EXT1: variants seen among roughly 807,000 people sequenced by gnomAD.
The protein encoded by EXT1 is exostosin glycosyltransferase 1, also known as exostosin-1.
EXT1 carries 20 observed loss-of-function variants against 82.5 expected under a neutral mutation model. The ratio of observed to expected loss-of-function variants is 0.24; its 90% confidence interval spans 0.17 to 0.35. EXT1 has a LOEUF of 0.35. Among genes scored for constraint, EXT1 ranks in the 10% least tolerant of loss-of-function variants. EXT1 has a pLI of 1.00. For missense variants in EXT1, 757 were observed against 936.5 expected (o/e 0.81, Z 2.50); for synonymous variants, 348 against 350.8 (o/e 0.99, Z 0.09).
At chr8:117,837,333 C>T in intron 1 of EXT1, 132 bp from the exon 2 acceptor site, 1 of 741,598 alleles carries the variant, frequency 1.3e-6, no homozygotes. Context: ...GCAGCTCTCA[C>T]TTTTCCATTT....
chr8:118,060,739 A>T (rs1816868650), intron 1 of EXT1, among the ~76,000 whole-genome samples: 1 of 152,234 alleles, frequency 6.6e-6, no homozygotes. Context: ...ACCTTAAGCA[A>T]TTAGGGCTGT....
At chr8:118,024,149 A>C (rs557689424) in intron 1 of EXT1, among the ~76,000 whole-genome samples, 7 of 152,246 alleles carry the variant, frequency 4.6e-5, no homozygotes, top group Non-Finnish European at 8.8e-5. Flanking sequence ...CAAAAAATAA[A>C]CCACGGTAGA....
intron 1 of EXT1, among the ~76,000 whole-genome samples, chr8:118,094,791 C>T (rs756827890): frequency 6.6e-6 from 1 of 152,192 alleles, no homozygotes; most frequent in East Asian, 1.9e-4. Flanking sequence ...AGTCAAGAGA[C>T]GTGTGTTCCA....
At chr8:117,966,011 C>A (rs928373198) in intron 1 of EXT1, among the ~76,000 whole-genome samples, 10 of 151,186 alleles carry the variant, frequency 6.6e-5, no homozygotes, top group African/African-American at 2.5e-4. Context: ...CACACACACA[C>A]ATATATACAC....
intron 1 of EXT1, among the ~76,000 whole-genome samples, chr8:118,003,411 A>G (rs992704618): frequency 2.2e-4 from 34 of 152,012 alleles, no homozygotes; most frequent in African/African-American, 7.2e-4. Context: ...ATAAAAAAAA[A>G]TTAAAAAAAA....
chr8:118,060,131 A>T (rs2129940929), intron 1 of EXT1, among the ~76,000 whole-genome samples: 1 of 152,344 alleles, frequency 6.6e-6, no homozygotes, highest in African/African-American at 2.4e-5. Context: ...AACAACTCTC[A>T]GGTAAAAATG....
intron 1 of EXT1, among the ~76,000 whole-genome samples, chr8:118,030,796 T>G (rs1816297491): frequency 6.6e-6 from 1 of 152,180 alleles, no homozygotes; most frequent in African/African-American, 2.4e-5. Context: ...AGAGGCTTCT[T>G]GAGGTCTTGG....
At chr8:118,096,342 G>A (rs1306356997) in intron 1 of EXT1, among the ~76,000 whole-genome samples, 1 of 152,076 alleles carries the variant, frequency 6.6e-6, no homozygotes, top group Admixed American at 6.5e-5. Context: ...AAGAAAAGAG[G>A]CCAGGTGCAC....
intron 1 of EXT1, among the ~76,000 whole-genome samples, chr8:117,860,552 T>TA (rs1305673704): frequency 6.6e-6 from 1 of 152,216 alleles, no homozygotes; most frequent in Non-Finnish European, 1.5e-5. Context: ...AAAGAGTATC[T>TA]ATTACATAGA....
chr8:118,021,957 A>G (rs559644825), intron 1 of EXT1, among the ~76,000 whole-genome samples: 2 of 152,294 alleles, frequency 1.3e-5, no homozygotes, highest in South Asian at 4.1e-4. Context: ...GACTCCCTTC[A>G]TCCTCCAACT....
At chr8:117,867,260 G>GAAAAAA (rs372575361) in intron 1 of EXT1, among the ~76,000 whole-genome samples, 5 of 98,906 alleles carry the variant, frequency 5.1e-5, no homozygotes, top group African/African-American at 1.2e-4. Context: ...CTCCACCTCA[G>GAAAAAA]AAAAAAAAAA....
intron 1 of EXT1, among the ~76,000 whole-genome samples, chr8:117,973,854 A>AGGAAC (rs1815002207): frequency 7.0e-6 from 1 of 143,194 alleles, no homozygotes; most frequent in Non-Finnish European, 1.5e-5. Flanking sequence ...AGGAAAGGAA[A>AGGAAC]GGAAAGGAAA....
chr8:118,064,853 T>A (rs1415772639), intron 1 of EXT1, among the ~76,000 whole-genome samples: 1 of 63,260 alleles, frequency 1.6e-5, no homozygotes, highest in Non-Finnish European at 2.6e-5. Context: ...GTTTCCTGAA[T>A]TTTTTTTTTT....
intron 1 of EXT1, among the ~76,000 whole-genome samples, chr8:117,972,921 T>C (rs1214939115): frequency 4.6e-5 from 7 of 152,062 alleles, no homozygotes; most frequent in Non-Finnish European, 8.8e-5. Context: ...CCATGACACA[T>C]GGGGATTATG....
intron 9 of EXT1, among the ~76,000 whole-genome samples, chr8:117,806,410 T>G (rs2129698431): frequency 6.6e-6 from 1 of 152,236 alleles, no homozygotes; most frequent in South Asian, 2.1e-4. Context: ...AGTGACATGC[T>G]GTACATGTCA....
chr8:117,984,278 G>T (rs969359724), intron 1 of EXT1, among the ~76,000 whole-genome samples: 1 of 152,092 alleles, frequency 6.6e-6, no homozygotes, highest in African/African-American at 2.4e-5. Context: ...AATTAGCTGG[G>T]TGTGGTAGTG....
At chr8:118,014,792 G>C (rs1328460888) in intron 1 of EXT1, among the ~76,000 whole-genome samples, 1 of 151,798 alleles carries the variant, frequency 6.6e-6, no homozygotes, top group Non-Finnish European at 1.5e-5. Flanking sequence ...TTCAAGTTTG[G>C]GTACCATTAC....
intron 1 of EXT1, among the ~76,000 whole-genome samples, chr8:117,993,875 G>A (rs1815484705): frequency 6.6e-6 from 1 of 152,184 alleles, no homozygotes; most frequent in Non-Finnish European, 1.5e-5. Context: ...CCAGCCTAGT[G>A]GCCCTTGCTC....
intron 1 of EXT1, among the ~76,000 whole-genome samples, chr8:117,938,016 C>T (rs1311197408): frequency 6.6e-6 from 1 of 152,198 alleles, no homozygotes; most frequent in Non-Finnish European, 1.5e-5. Context: ...CAGTACCAGA[C>T]ACCTCAATAG....
Sources: allele counts gnomAD v4.1 joint callset (sites outside exome capture counted in the v4.1 genomes callset), GRCh38; gene constraint gnomAD v4.1.1; transcripts MANE v1.5; gene names NCBI Gene and HGNC (gene_info 2026-07-23, HGNC 2026-07-21).